Variants in RGS3 observed in about 807,000 individuals in gnomAD.
RGS3 encodes the protein regulator of G protein signaling 3.
RGS3 carries 80 observed loss-of-function variants against 132.6 expected under a neutral mutation model. That is an observed-to-expected ratio of 0.60 (90% confidence interval 0.50 to 0.73). The LOEUF (loss-of-function observed/expected upper bound fraction) is 0.73, where lower values mean the gene tolerates loss of function less well. Ranked by LOEUF, RGS3 falls within the 30% of genes least tolerant of loss-of-function variation. RGS3 has a pLI of 0.00. For missense variants in RGS3, 1,382 were observed against 1,530.8 expected, an observed-to-expected ratio of 0.90 and a Z score of 1.62; for synonymous variants, 598 against 620.6, an observed-to-expected ratio of 0.96 and a Z score of 0.54.
At chr9:113,457,631 T>C (rs1175733051), upstream of RGS3, among the ~76,000 whole-genome samples, 1 of 152,242 alleles carries the variant, frequency 6.6e-6, no homozygotes, top group African/African-American at 2.4e-5. Flanking sequence ...TATTCTATAA[T>C]GGTTCTCTTG....
In RGS3 at chr9:113,495,856, A is replaced by T. The variant is rs1237185118; in HGVS notation, c.750+10A>T. On this transcript the variant is annotated intron_variant, in intron 8 of 24. Coordinates refer to ENST00000350696, the Ensembl canonical transcript of RGS3. ...CCTGACTCCAGACAAGGTGGGTCCTAGGGATGCTTCTGTCAGGATCATCCC... is the reference window on the plus strand; with the variant it reads ...CCTGACTCCAGACAAGGTGGGTCCTTGGGATGCTTCTGTCAGGATCATCCC... The T allele has an allele frequency of 6.2e-7, 1 of 1,612,724 alleles. No individual in the cohort carries two copies.
In RGS3 at chr9:113,463,760, C is replaced by T; in HGVS notation, c.415+1559C>T. ...CGGTTACTGGGGAGCAACACAGCCG[C>T]CTCGGGTTGCAGACGCTCCTGTCCG... On this transcript the variant is annotated intron_variant, in intron 3 of 24. Transcript: ENST00000350696. The surrounding 1 kb of genome is among the most constrained non-coding windows in gnomAD (Gnocchi z 4.6). The T allele has an allele frequency of 6.4e-7, 1 of 1,572,894 alleles. No individual in the cohort carries two copies. Among genetic ancestry groups the T allele is most frequent in the Non-Finnish European group, 8.6e-7 (1 of 1,161,140 alleles).
chr9:113,583,587 C>A (rs1360202826), exon 20 of RGS3: 5 of 1,614,196 alleles, frequency 3.1e-6, no homozygotes, highest in Middle Eastern at 1.6e-4. Flanking sequence ...TTCCACCCAA[C>A]AAGGACTCCC....
At chr9:113,480,448 G>A (rs1313717926) in intron 4 of RGS3, among the ~76,000 whole-genome samples, 6 of 127,920 alleles carry the variant, frequency 4.7e-5, no homozygotes, top group African/African-American at 1.8e-4. Flanking sequence ...GACAGTACGA[G>A]ACTCCGTCTC....
intron 1 of RGS3, among the ~76,000 whole-genome samples, chr9:113,455,100 C>G (rs796345510): frequency 1.3e-5 from 2 of 152,282 alleles, no homozygotes; most frequent in South Asian, 2.1e-4. Flanking sequence ...TTCCCTCTCC[C>G]TTTTGGAAAG....
At chr9:113,586,286 C>G (rs935639758) in intron 20 of RGS3, among the ~76,000 whole-genome samples, 10 of 152,252 alleles carry the variant, frequency 6.6e-5, no homozygotes, top group Admixed American at 1.3e-4. Context: ...CTGATTCCCC[C>G]ACTACACCCT....
intron 19 of RGS3, among the ~76,000 whole-genome samples, chr9:113,560,506 C>T (rs55777057): frequency 0.12 from 18,182 of 152,208 alleles, 1,312 homozygotes; most frequent in African/African-American, 0.19. Context: ...GCAGCATCAG[C>T]GGCTTCATCT....
At chr9:113,497,204 C>T (rs1564487005) in intron 8 of RGS3, 110 bp from the exon 7 acceptor site, 3 of 788,576 alleles carry the variant, frequency 3.8e-6, no homozygotes, top group South Asian at 1.7e-5. Flanking sequence ...GAGAGTCTGT[C>T]TCTCCTGTGG....
chr9:113,449,953 C>T (rs1829202134), intron 1 of RGS3, among the ~76,000 whole-genome samples: 1 of 152,044 alleles, frequency 6.6e-6, no homozygotes. Context: ...CCATGTTGGC[C>T]AGGCTGGTCT....
chr9:113,574,983 TGGTG>T (rs1189994010), intron 19 of RGS3, among the ~76,000 whole-genome samples: 2 of 151,774 alleles, frequency 1.3e-5, no homozygotes, highest in Non-Finnish European at 2.9e-5. Context: ...GTGTTTGGGG[TGGTG>T]GGTGGGGACA....
intron 23 of RGS3, 56 bp downstream of exon 21, chr9:113,595,036 C>G (rs1835689301): frequency 1.3e-6 from 2 of 1,513,920 alleles, no homozygotes; most frequent in Admixed American, 1.7e-5. Flanking sequence ...CCCCTTCGCC[C>G]CCATCCAGAC....
intron 3 of RGS3, 126 bp downstream of exon 1, chr9:113,464,007 C>G: frequency 1.0e-6 from 1 of 963,152 alleles, no homozygotes; most frequent in African/African-American, 1.7e-5. Flanking sequence ...GGCACCTTCT[C>G]TGGCCCCTTT....
At chr9:113,596,692 G>A (rs1315316428) in intron 24 of RGS3, 76 bp from the exon 23 acceptor site, 2 of 1,329,374 alleles carry the variant, frequency 1.5e-6, no homozygotes, top group Admixed American at 2.3e-5. Context: ...GGCTGGATGG[G>A]TCCCTTCCAG....
intron 17 of RGS3, among the ~76,000 whole-genome samples, chr9:113,526,679 G>A (rs1032221502): frequency 9.9e-5 from 15 of 152,138 alleles, no homozygotes; most frequent in African/African-American, 2.4e-4. Flanking sequence ...GGAAAGTGAC[G>A]GAGGGGTCAG....
Position 113,591,209 on chromosome 9 carries a change from G to C in RGS3, c.3016-124G>C, listed in dbSNP as rs150205847. On this transcript the variant is annotated intron_variant, in intron 20 of 24. Transcript: ENST00000350696. The surrounding 1 kb of genome is among the most constrained non-coding windows in gnomAD (Gnocchi z 4.4). ...GGTTTCCCTCCCTCACCTGTGTGCCGCGGGTGGGGGCTTTGGGGATGGAAG... is the reference window on the plus strand; with the variant it reads ...GGTTTCCCTCCCTCACCTGTGTGCCCCGGGTGGGGGCTTTGGGGATGGAAG... 1 of 796,048 alleles carries C rather than the reference G, an allele frequency of 1.3e-6. No individual in the cohort carries two copies. Among genetic ancestry groups the C allele is most frequent in the Non-Finnish European group, 2.1e-6 (1 of 481,934 alleles). The allele number at this position is 796,048 out of a possible 1,614,324, so 49.3% of individuals were successfully genotyped here. A position where few individuals can be genotyped will look rare whatever the true frequency, so the allele number is the denominator to read the frequency against.
intron 14 of RGS3, 134 bp from the exon 13 acceptor site, chr9:113,514,324 G>T (rs768926611): frequency 3.7e-5 from 29 of 773,930 alleles, no homozygotes; most frequent in Non-Finnish European, 5.9e-5. Context: ...AGCATCGTGC[G>T]CAGGGCCTGG....
At chr9:113,484,043 T>C in intron 5 of RGS3, 95 bp from the exon 4 acceptor site, 3 of 743,862 alleles carry the variant, frequency 4.0e-6, no homozygotes, top group Non-Finnish European at 2.4e-6. Flanking sequence ...TGAAGGACCC[T>C]GGGAAGCCTT....
At chr9:113,563,427 G>A (rs559958949) in intron 19 of RGS3, among the ~76,000 whole-genome samples, 10 of 152,292 alleles carry the variant, frequency 6.6e-5, no homozygotes, top group Non-Finnish European at 7.3e-5. Context: ...CACCTCTGAC[G>A]TGAAGGAATC....
At position 113,497,470 on chromosome 9, in the gene RGS3, G is replaced by A. The variant is rs140735171; in HGVS notation, c.841+66G>A. ...CCCCCTCCCTCCTTTCCTGCATAGCGGCATCAGTACTGGTATTTGGTGGCC... is the reference window on the plus strand; with the variant it reads ...CCCCCTCCCTCCTTTCCTGCATAGCAGCATCAGTACTGGTATTTGGTGGCC... On this transcript the variant is annotated intron_variant, in intron 9 of 24. Transcript: ENST00000350696. 12,967 of 1,345,918 alleles carry A rather than the reference G, an allele frequency of 9.6e-3. 242 individuals are homozygous for A. The highest frequency in any genetic ancestry group is 0.064 in the South Asian group (5,200 of 81,056). The allele number at this position is 1,345,918 out of a possible 1,614,324, so 83.4% of individuals were successfully genotyped here.
Sources: allele counts gnomAD v4.1 joint callset (sites outside exome capture counted in the v4.1 genomes callset), GRCh38; gene constraint gnomAD v4.1.1; non-coding constraint Gnocchi (gnomAD v3.1); transcripts MANE v1.5; gene names NCBI Gene and HGNC (gene_info 2026-07-23, HGNC 2026-07-21).